Variants in ARHGDIB observed in about 807,000 individuals in gnomAD.
ARHGDIB encodes the protein Rho GDP dissociation inhibitor beta.
Under a neutral mutation model 22.6 loss-of-function variants are expected in ARHGDIB, and 20 were observed. The ratio of observed to expected loss-of-function variants is 0.88; its 90% CI spans 0.62 to 1.28. The LOEUF (loss-of-function observed/expected upper bound fraction) is 1.28. Among genes scored for constraint, ARHGDIB ranks in the 50% most tolerant of loss-of-function variants. ARHGDIB has a pLI of 0.00. For missense variants in ARHGDIB, 254 were observed against 245.4 expected (o/e 1.04, Z -0.23); for synonymous variants, 114 against 96.1 (o/e 1.19, Z -1.09).
At chr12:14,960,613 C>T (rs1864390673) in intron 1 of ARHGDIB, among the ~76,000 whole-genome samples, 1 of 152,174 alleles carries the variant, frequency 6.6e-6, no homozygotes, top group Non-Finnish European at 1.5e-5. Flanking sequence ...AAGTGATTCT[C>T]CTGCCTCAGC....
At chr12:14,950,921 C>G (rs562237907) in intron 1 of ARHGDIB, 197 bp from the exon 2 acceptor site, 119 of 467,034 alleles carry the variant, frequency 2.5e-4, no homozygotes, top group Non-Finnish European at 2.9e-4. Context: ...TCTGACCTGC[C>G]TGAATTTCTC....
At chr12:14,946,742 T>C (rs1036935056) in intron 4 of ARHGDIB, among the ~76,000 whole-genome samples, 3 of 152,186 alleles carry the variant, frequency 2.0e-5, no homozygotes, top group African/African-American at 7.2e-5. Context: ...CGTCAAAATT[T>C]ACCTGTCACA....
intron 3 of ARHGDIB, 137 bp from the exon 4 acceptor site, chr12:14,948,086 T>G (rs1864067249): frequency 1.6e-6 from 1 of 618,932 alleles, no homozygotes; most frequent in African/African-American, 2.0e-5. Flanking sequence ...ACAGAGTATT[T>G]GAGTTTAGTC....
chr12:14,960,440 C>T lies in ARHGDIB; in HGVS notation c.-13+1097G>A, dbSNP rs190648355. Among the ~76,000 whole-genome samples the T allele has an allele frequency of 3.5e-3, 536 of 152,252 alleles. 5 individuals are homozygous for T. Among genetic ancestry groups the T allele is most frequent in the African/African-American group, 0.012 (487 of 41,534 alleles). On this transcript the variant is annotated intron_variant, in intron 1 of 5. Coordinates refer to ENST00000228945, the MANE Select transcript of ARHGDIB (RefSeq NM_001175.7). ...TTTTTCTCAAACCTGTCTCTTAATA[C>T]GTTATTTGGTGTTTTCCATGTTTGC...
At position 14,952,277 on chromosome 12, in the gene ARHGDIB, C is replaced by CAAAA. The variant is rs3084566; in HGVS notation, c.-12-1557_-12-1554dup. Among the ~76,000 whole-genome samples the CAAAA allele has an allele frequency of 2.3e-3, 290 of 127,292 alleles. 2 individuals carry two copies. Among genetic ancestry groups the CAAAA allele is most frequent in the African/African-American group, 7.6e-3 (260 of 34,194 alleles). The allele number at this position is 127,292 out of a possible 152,430, so 83.5% of individuals were successfully genotyped here. On this transcript the variant is annotated intron_variant, in intron 1 of 5. Coordinates refer to ENST00000228945, the MANE Select transcript of ARHGDIB (RefSeq NM_001175.7). ...CAAATGAGAGCAATTTTAATGGAAC[C>CAAAA]AAAAAAAAAAAAAAAAAGAGAAACA...
At chr12:14,959,698 T>C (rs1278265000) in intron 1 of ARHGDIB, among the ~76,000 whole-genome samples, 29 of 152,160 alleles carry the variant, frequency 1.9e-4, no homozygotes, top group Admixed American at 6.5e-4. Flanking sequence ...AACAGAACCT[T>C]AATGTTGCTC....
In ARHGDIB at chr12:14,957,935, G is replaced by A. The variant is rs550444536; in HGVS notation, c.-13+3602C>T. ...AGAGAGAAAAGTGGAAATACCAGAA[G>A]TAGGGGATTTCTATCAGAGAAGTTC... On this transcript the variant is annotated intron_variant, in intron 1 of 5. Coordinates refer to ENST00000228945, the MANE Select transcript of ARHGDIB (RefSeq NM_001175.7). Among the ~76,000 whole-genome samples the A allele has an allele frequency of 2.7e-4, 41 of 152,250 alleles. No homozygotes were observed. The South Asian group carries it at 8.3e-3, about 31-fold the overall frequency.
chr12:14,942,163 G>T lies in ARHGDIB; in HGVS notation c.*359C>A. On this transcript the variant is annotated 3_prime_UTR_variant, in exon 6 of 6. Transcript: ENST00000228945. ...CAACCACAAAAGAATCTAGGCATTAGAATGAACTACTGGAACCTGAGTCAA... is the reference window on the plus strand; with the variant it reads ...CAACCACAAAAGAATCTAGGCATTATAATGAACTACTGGAACCTGAGTCAA... 1 of 254,268 alleles carries T rather than the reference G, an allele frequency of 3.9e-6. No individual in the cohort carries two copies. The allele number at this position is 254,268 out of a possible 1,614,324, so 15.8% of individuals were successfully genotyped here.
intron 3 of ARHGDIB, 151 bp from the exon 4 acceptor site, chr12:14,948,100 G>GCGCGCGCA (rs71926892): frequency 0.021 from 9,356 of 437,102 alleles, 214 homozygotes; most frequent in South Asian, 0.028. Context: ...TTTAGTCCTT[G>GCGCGCGCA]CACACACACA....
intron 2 of ARHGDIB, among the ~76,000 whole-genome samples, chr12:14,950,217 A>G (rs2120718967): frequency 6.6e-6 from 1 of 152,192 alleles, no homozygotes; most frequent in African/African-American, 2.4e-5. Flanking sequence ...TGTGGAAGAG[A>G]TGAACGGTTA....
chr12:14,955,842 A>G (rs1477375136), intron 1 of ARHGDIB, among the ~76,000 whole-genome samples: 1 of 152,232 alleles, frequency 6.6e-6, no homozygotes, highest in Non-Finnish European at 1.5e-5. Context: ...CTGTTTTCCA[A>G]TCCCATCATC....
intron 4 of ARHGDIB, 33 bp from the exon 5 acceptor site, chr12:14,944,872 TAA>T: frequency 6.3e-7 from 1 of 1,593,880 alleles, no homozygotes; most frequent in Non-Finnish European, 8.6e-7. Context: ...ATGTTCAGAT[TAA>T]GAGGGTCTTT....
intron 1 of ARHGDIB, among the ~76,000 whole-genome samples, chr12:14,955,785 G>A (rs1864287674): frequency 6.6e-6 from 1 of 152,114 alleles, no homozygotes; most frequent in African/African-American, 2.4e-5. Context: ...CCTATTTTAT[G>A]GATGTGTGTT....
At chr12:14,960,754 C>T (rs896288896) in intron 1 of ARHGDIB, among the ~76,000 whole-genome samples, 3 of 152,204 alleles carry the variant, frequency 2.0e-5, no homozygotes, top group Non-Finnish European at 1.5e-5. Context: ...CTACCCGCCT[C>T]GGCCTCCCAA....
intron 1 of ARHGDIB, among the ~76,000 whole-genome samples, chr12:14,952,759 A>T (rs528063874): frequency 6.6e-6 from 1 of 152,210 alleles, no homozygotes; most frequent in African/African-American, 2.4e-5. Flanking sequence ...CTGACCGAGC[A>T]TCGGAACAAC....
intron 1 of ARHGDIB, among the ~76,000 whole-genome samples, chr12:14,959,960 A>G (rs1864378513): frequency 1.3e-5 from 2 of 152,228 alleles, no homozygotes; most frequent in African/African-American, 4.8e-5. Flanking sequence ...ATTCTTACAA[A>G]TTAAAAAAAC....
chr12:14,947,870 T>C lies in ARHGDIB; in HGVS notation c.342+3A>G. ...ACAAAAACACACAAGGCAGGATACT[T>C]ACTTTGAAGTGAATTTTGACTCTAT... On this transcript the variant is annotated splice_donor_region_variant and intron_variant, in intron 4 of 5. Coordinates refer to ENST00000228945, the MANE Select transcript of ARHGDIB (RefSeq NM_001175.7). 2 of 1,603,254 alleles carry C rather than the reference T, an allele frequency of 1.2e-6. No homozygotes were observed. Among genetic ancestry groups the C allele is most frequent in the Non-Finnish European group, 1.7e-6 (2 of 1,170,128 alleles).
chr12:14,950,800 C>T, intron 1 of ARHGDIB, 76 bp from the exon 2 acceptor site: 8 of 1,220,998 alleles, frequency 6.6e-6, no homozygotes, highest in Non-Finnish European at 7.8e-6. Flanking sequence ...CTGTTAGCAG[C>T]CTCCTTACCC....
intron 5 of ARHGDIB, among the ~76,000 whole-genome samples, chr12:14,943,932 T>A (rs1312800735): frequency 6.6e-6 from 1 of 152,224 alleles, no homozygotes; most frequent in African/African-American, 2.4e-5. Flanking sequence ...TTCATGAGAC[T>A]AGGTATCGGA....
Sources: allele counts gnomAD v4.1 joint callset (sites outside exome capture counted in the v4.1 genomes callset), GRCh38; gene constraint gnomAD v4.1.1; transcripts MANE v1.5; gene names NCBI Gene and HGNC (gene_info 2026-07-23, HGNC 2026-07-21).